ZMIZ1: variants seen among roughly 807,000 people sequenced by gnomAD.
The protein encoded by ZMIZ1 is zinc finger MIZ-type containing 1.
A neutral mutation model predicts 113.9 loss-of-function variants in ZMIZ1; 17 were observed. That is an observed-to-expected ratio of 0.15 (90% CI 0.10 to 0.22). The LOEUF is 0.22. ZMIZ1 is among the 10% of genes least tolerant of loss of function. The pLI is 1.00. For synonymous variants in ZMIZ1, 607 were observed against 603.1 expected, an observed-to-expected ratio of 1.01 and a Z score of -0.09; for missense variants, 1,059 against 1,477.8, an observed-to-expected ratio of 0.72 and a Z score of 4.65.
intron 20 of ZMIZ1, 134 bp from the exon 21 acceptor site, chr10:79,305,399 G>A: frequency 8.2e-7 from 1 of 1,223,670 alleles, no homozygotes; most frequent in East Asian, 2.3e-5. Flanking sequence ...CACGCGGTCA[G>A]AGTCCCCCTC....
At chr10:79,248,480 C>A (rs752711760) in intron 7 of ZMIZ1, among the ~76,000 whole-genome samples, 44 of 152,262 alleles carry the variant, frequency 2.9e-4, no homozygotes, top group Non-Finnish European at 5.3e-4. Context: ...CACTGGGACT[C>A]CTCCTGCTTC....
intron 19 of ZMIZ1, 39 bp from the exon 20 acceptor site, chr10:79,305,125 C>G (rs930865030): frequency 1.9e-6 from 3 of 1,612,736 alleles, no homozygotes; most frequent in Non-Finnish European, 2.5e-6. Context: ...CAGTTTCTGA[C>G]AGTCCTGGTC....
intron 7 of ZMIZ1, among the ~76,000 whole-genome samples, chr10:79,218,819 G>A (rs1443481651): frequency 1.3e-5 from 2 of 152,078 alleles, no homozygotes; most frequent in Admixed American, 6.5e-5. Flanking sequence ...GGTAGAAGGG[G>A]AGCATGCACG....
In ZMIZ1 at chr10:79,296,007, C is replaced by T. The variant is rs961650900; in HGVS notation, c.1231-464C>T. ...TGTGTGTTCTGCTCTGAGGGGAGTA[C>T]GAGGACAATGCCACCCAAGTTCAGC... On this transcript the variant is annotated intron_variant, in intron 12 of 24. Coordinates refer to ENST00000334512, the MANE Select transcript of ZMIZ1 (RefSeq NM_020338.4). The surrounding 1 kb of genome is among the most constrained non-coding windows in gnomAD (Gnocchi z 4.1). 1 of 193,668 alleles carries T rather than the reference C, an allele frequency of 5.2e-6. No homozygotes were observed. The highest frequency in any genetic ancestry group is 1.1e-5 in the Non-Finnish European group (1 of 92,420). The allele number at this position is 193,668 out of a possible 1,614,324, so 12.0% of individuals were successfully genotyped here.
At chr10:79,128,256 G>T (rs1844602112) in intron 2 of ZMIZ1, among the ~76,000 whole-genome samples, 1 of 152,162 alleles carries the variant, frequency 6.6e-6, no homozygotes, top group Non-Finnish European at 1.5e-5. Context: ...AAGAGAGGGG[G>T]CTCTGCCCTC....
At chr10:79,253,991 C>G (rs1487043501) in intron 7 of ZMIZ1, among the ~76,000 whole-genome samples, 1 of 152,214 alleles carries the variant, frequency 6.6e-6, no homozygotes, top group Non-Finnish European at 1.5e-5. Context: ...TTAATTGTAG[C>G]TTAAATTTTT....
intron 6 of ZMIZ1, among the ~76,000 whole-genome samples, chr10:79,210,159 A>G (rs542481254): frequency 8.5e-5 from 13 of 152,110 alleles, no homozygotes; most frequent in Admixed American, 8.5e-4. Context: ...ACCCCAGCAG[A>G]GGATGGAGGA....
chr10:79,175,128 C>G (rs895764663), intron 4 of ZMIZ1, among the ~76,000 whole-genome samples: 1 of 152,196 alleles, frequency 6.6e-6, no homozygotes, highest in Non-Finnish European at 1.5e-5. Context: ...AGTGGCCTGT[C>G]TTAGACATTG....
At chr10:79,074,196 G>A (rs2132157202) in intron 1 of ZMIZ1, among the ~76,000 whole-genome samples, 1 of 152,344 alleles carries the variant, frequency 6.6e-6, no homozygotes, top group African/African-American at 2.4e-5. Flanking sequence ...TCAAACAACT[G>A]GTGGCAAAGT....
chr10:79,104,491 G>T (rs141699783), intron 1 of ZMIZ1, among the ~76,000 whole-genome samples: 1 of 152,182 alleles, frequency 6.6e-6, no homozygotes, highest in East Asian at 1.9e-4. Flanking sequence ...TGCAAAATGG[G>T]TACAATAGAC....
chr10:79,126,209 G>A (rs187825368), intron 2 of ZMIZ1, among the ~76,000 whole-genome samples: 48 of 152,346 alleles, frequency 3.2e-4, no homozygotes, highest in Middle Eastern at 6.8e-3. Flanking sequence ...GTCAGGGCTA[G>A]GGGCAACGCC....
chr10:79,269,456 A>AAC (rs55634343), intron 7 of ZMIZ1, among the ~76,000 whole-genome samples: 12,727 of 138,434 alleles, frequency 0.092, 755 homozygotes, highest in Middle Eastern at 0.19. Flanking sequence ...ACCTCCCCCC[A>AAC]ACACACACAC....
chr10:79,222,177 C>T (rs1220641733), intron 7 of ZMIZ1, among the ~76,000 whole-genome samples: 1 of 152,162 alleles, frequency 6.6e-6, no homozygotes, highest in Non-Finnish European at 1.5e-5. Flanking sequence ...GAGATTGGAC[C>T]ACTCAATGTT....
At chr10:79,129,261 T>G (rs950399362) in intron 2 of ZMIZ1, among the ~76,000 whole-genome samples, 1 of 151,914 alleles carries the variant, frequency 6.6e-6, no homozygotes, top group African/African-American at 2.4e-5. Flanking sequence ...AAAACCAGAG[T>G]TCAGCATCAG....
In ZMIZ1 at chr10:79,146,951, T is replaced by TGC. The variant is rs1845515077; in HGVS notation, c.-131+7175_-131+7176insCG. On this transcript the variant is annotated intron_variant, in intron 3 of 24. Transcript: ENST00000334512. ...TGTGCGTGTGTGTAGTGTACGTGTG[T>TGC]GTGTGTGTGTGTGTGTGTGTGTATA... is the stretch of plus-strand genomic sequence containing the variant. 4.7e-5 allele frequency among the ~76,000 whole-genome samples: 6 copies of TGC among 128,942 alleles called. No individual in the cohort carries two copies. The South Asian group carries it at 1.3e-3, about 29-fold the overall frequency. The allele number at this position is 128,942 out of a possible 152,430, so 84.6% of individuals were successfully genotyped here.
At chr10:79,293,301 C>G in intron 11 of ZMIZ1, 80 bp from the exon 12 acceptor site, 6 of 1,286,768 alleles carry the variant, frequency 4.7e-6, no homozygotes, top group Non-Finnish European at 6.4e-6. Context: ...CCCAACCCTT[C>G]CCTCCCTGCA....
intron 4 of ZMIZ1, among the ~76,000 whole-genome samples, chr10:79,195,003 A>C (rs1702739507): frequency 6.6e-6 from 1 of 152,202 alleles, no homozygotes; most frequent in Non-Finnish European, 1.5e-5. Context: ...GTGCAAGAAG[A>C]AGCACAGAGC....
At chr10:79,248,429 A>G (rs925275719) in intron 7 of ZMIZ1, among the ~76,000 whole-genome samples, 2 of 152,138 alleles carry the variant, frequency 1.3e-5, no homozygotes, top group African/African-American at 4.8e-5. Context: ...CAACACCTTC[A>G]GGGCAGTGGG....
intron 3 of ZMIZ1, among the ~76,000 whole-genome samples, chr10:79,142,854 C>T (rs1845332017): frequency 6.6e-6 from 1 of 152,224 alleles, no homozygotes; most frequent in Admixed American, 6.5e-5. Context: ...GGTGGCAGGT[C>T]ACATGCTGCC....
Sources: gnomAD v4.1 joint callset for allele counts (sites outside exome capture counted in the v4.1 genomes callset) on GRCh38, gnomAD v4.1.1 for gene constraint, Gnocchi (gnomAD v3.1) non-coding constraint, MANE v1.5 for transcripts, NCBI Gene and HGNC (gene_info 2026-07-23, HGNC 2026-07-21) for gene names.